The following IQCH variants were observed in gnomAD, a reference collection of about 807,000 sequenced individuals.
IQCH encodes the protein IQ motif containing H, also known as IQ domain-containing protein H.
A neutral mutation model predicts 117.0 loss-of-function variants in IQCH; 98 were observed. That is an observed-to-expected ratio of 0.84 (90% CI 0.71 to 0.99). The LOEUF (loss-of-function observed/expected upper bound fraction) is 0.99, where lower values mean the gene tolerates loss of function less well. Ranked by LOEUF, IQCH falls within the 50% of genes least tolerant of loss-of-function variation. The probability of loss-of-function intolerance (pLI) is 0.00; values close to 1 mark genes in which losing one functional copy is unlikely to be tolerated. For missense variants in IQCH, 1,102 were observed against 1,243.8 expected (o/e 0.89, Z 1.72); for synonymous variants, 412 against 448.2 (o/e 0.92, Z 1.02).
At position 67,406,814 on chromosome 15, in the gene IQCH, T is replaced by C. The variant is rs954845218; in HGVS notation, c.2097+6509T>C. The C allele has an allele frequency of 6.6e-6, 1 of 152,266 alleles. No homozygotes were observed. The highest frequency in any genetic ancestry group is 1.5e-5 in the Non-Finnish European group (1 of 68,062). The allele number at this position is 152,266 out of a possible 1,614,324, so 9.4% of individuals were successfully genotyped here. On this transcript the variant is annotated intron_variant, in intron 14 of 20. Coordinates refer to ENST00000335894, the MANE Select transcript of IQCH (RefSeq NM_001031715.3). This position sits in a 1 kb window ranked among gnomAD's most constrained non-coding sequence, Gnocchi z 4.5. ...CTATCTGTAAAGAGAGATTAGTACC[T>C]GTCTCATGGGGAAGTGGTGACAAGT... is the stretch of plus-strand genomic sequence containing the variant.
chr15:67,267,938 C>T (rs1965744262), intron 3 of IQCH, among the ~76,000 whole-genome samples: 1 of 152,128 alleles, frequency 6.6e-6, no homozygotes, highest in Admixed American at 6.5e-5. Flanking sequence ...TTTCATAACA[C>T]CCTTGACAGT....
At chr15:67,273,360 A>C (rs907822735) in intron 3 of IQCH, among the ~76,000 whole-genome samples, 7 of 152,186 alleles carry the variant, frequency 4.6e-5, no homozygotes, top group Non-Finnish European at 8.8e-5. Context: ...ACGAGCCACC[A>C]TGCCTGGCCT....
intron 4 of IQCH, among the ~76,000 whole-genome samples, chr15:67,325,916 T>A (rs181432467): frequency 6.6e-6 from 1 of 152,204 alleles, no homozygotes; most frequent in Non-Finnish European, 1.5e-5. Flanking sequence ...AAATATTTAA[T>A]ATTAATTAGA....
rs562385372 is a variant in IQCH, at chr15:67,411,197, G to C, written c.2098-5734G>C. Among the ~76,000 whole-genome samples, 13 of 152,100 alleles carry C rather than the reference G, an allele frequency of 8.5e-5. No individual in the cohort carries two copies. The highest frequency in any genetic ancestry group is 3.1e-4 in the African/African-American group (13 of 41,426). Reference sequence around the variant, plus strand: ...TCCCTTCTCTCAATCTGTACCACTAGCTGATTCAAATCCGGAGCACCTTTC... The same window carrying C: ...TCCCTTCTCTCAATCTGTACCACTACCTGATTCAAATCCGGAGCACCTTTC... On this transcript the variant is annotated intron_variant, in intron 14 of 20. Coordinates refer to ENST00000335894, the MANE Select transcript of IQCH (RefSeq NM_001031715.3). This position sits in a 1 kb window ranked among gnomAD's most constrained non-coding sequence, Gnocchi z 4.4.
chr15:67,415,080 CAAAA>C (rs969952621), intron 14 of IQCH, among the ~76,000 whole-genome samples: 10 of 152,012 alleles, frequency 6.6e-5, no homozygotes. Context: ...AAGTGTAAAA[CAAAA>C]GAAAGATGGA....
chr15:67,397,101 GTTATAC>G lies in IQCH; in HGVS notation c.1905+1543_1905+1548del, dbSNP rs1251783008. 7.2e-5 allele frequency among the ~76,000 whole-genome samples: 11 copies of G among 152,284 alleles called. No homozygotes were observed. In the East Asian group the frequency reaches 2.1e-3, roughly 29 times the overall value. ...CTGCTTCACAGCAGAATATCTGGCT[GTTATAC>G]TTATTACAAGCAAAATAAAATTTTA... On this transcript the variant is annotated intron_variant, in intron 13 of 20. Transcript: ENST00000335894.
intron 14 of IQCH, among the ~76,000 whole-genome samples, chr15:67,402,958 A>G (rs539436389): frequency 6.6e-6 from 1 of 152,280 alleles, no homozygotes; most frequent in South Asian, 2.1e-4. Context: ...TAATATAAAG[A>G]TCATCTGGGC....
At chr15:67,261,201 TA>T (rs1965446765) in intron 1 of IQCH, 70 bp from the exon 2 acceptor site, 2 of 1,127,790 alleles carry the variant, frequency 1.8e-6, no homozygotes, top group African/African-American at 3.3e-5. Flanking sequence ...TGCAAACCTT[TA>T]AGATAAATAA....
chr15:67,271,319 C>T (rs1478380611), intron 3 of IQCH, among the ~76,000 whole-genome samples: 3 of 152,076 alleles, frequency 2.0e-5, no homozygotes, highest in African/African-American at 2.4e-5. Context: ...GCTAGGATTT[C>T]GTTGAAGATT....
chr15:67,428,106 G>A (rs541069809), intron 16 of IQCH, among the ~76,000 whole-genome samples: 19 of 152,276 alleles, frequency 1.2e-4, no homozygotes, highest in South Asian at 4.1e-4. Flanking sequence ...GATTACAGGC[G>A]TGAGCCACTG....
At chr15:67,485,522 T>C (rs757858722) in intron 18 of IQCH, among the ~76,000 whole-genome samples, 7 of 152,108 alleles carry the variant, frequency 4.6e-5, no homozygotes, top group Non-Finnish European at 1.0e-4. Flanking sequence ...TTCCTACAAC[T>C]AGTGAAAGAC....
intron 4 of IQCH, among the ~76,000 whole-genome samples, chr15:67,286,812 C>T (rs1387292040): frequency 6.6e-6 from 1 of 151,818 alleles, no homozygotes. Flanking sequence ...GGGGTTTCAC[C>T]ATGTTGGTCA....
In IQCH at chr15:67,436,941, C is replaced by G. The variant is rs1427104422; in HGVS notation, c.2505+15364C>G. ...GAGCTCAGACACGCGTAGCCCCACC[C>G]CCACCTGATGGTCCTTCCCTATCCA... On this transcript the variant is annotated intron_variant, in intron 16 of 20. Coordinates refer to ENST00000335894, the MANE Select transcript of IQCH (RefSeq NM_001031715.3). This position sits in a 1 kb window ranked among gnomAD's most constrained non-coding sequence, Gnocchi z 5.1. Among the ~76,000 whole-genome samples, 3 of 151,964 alleles carry G rather than the reference C, an allele frequency of 2.0e-5. No homozygotes were observed. The highest frequency in any genetic ancestry group is 7.3e-5 in the African/African-American group (3 of 41,366).
intron 16 of IQCH, among the ~76,000 whole-genome samples, chr15:67,450,098 T>C (rs2082484306): frequency 6.6e-6 from 1 of 152,258 alleles, no homozygotes; most frequent in African/African-American, 2.4e-5. Context: ...TTTGCTGAAG[T>C]TGCTTATCAG....
At chr15:67,398,148 TTAG>T (rs1971528590) in intron 13 of IQCH, among the ~76,000 whole-genome samples, 1 of 152,120 alleles carries the variant, frequency 6.6e-6, no homozygotes, top group Non-Finnish European at 1.5e-5. Context: ...AATAATTCTG[TTAG>T]TAGTCGAAAC....
At chr15:67,373,262 T>C in intron 9 of IQCH, 105 bp from the exon 10 acceptor site, 1 of 665,022 alleles carries the variant, frequency 1.5e-6, no homozygotes, top group Non-Finnish European at 2.6e-6. Context: ...TCAATTAATA[T>C]AATTTATGCC....
At position 67,263,170 on chromosome 15, in the gene IQCH, A is replaced by T. The variant is rs919447880; in HGVS notation, c.223A>T (p.Thr75Ser). 1 of 1,583,354 alleles carries T rather than the reference A, an allele frequency of 6.3e-7. No individual in the cohort carries two copies. Among genetic ancestry groups the T allele is most frequent in the Admixed American group, 1.7e-5 (1 of 59,930 alleles). Residue 75 changes from threonine (T) to serine (S), a missense_variant, in exon 3 of 21, where the codon ACT becomes TCT. This residue lies in a region of IQCH where 452 missense variants were observed against 449.6 expected (regional missense o/e 1.01). Coordinates refer to ENST00000335894, the MANE Select transcript of IQCH (RefSeq NM_001031715.3). ...LNVVNQNVLTTSVNDESLYTP... is the reference protein window; with the variant it reads ...LNVVNQNVLTSSVNDESLYTP... ...TGTTGTAAACCAGAATGTATTAACGACTTCTGTTAATGATGAGAGCTTATA... is the reference window on the plus strand; with the variant it reads ...TGTTGTAAACCAGAATGTATTAACGTCTTCTGTTAATGATGAGAGCTTATA...
At position 67,500,696 on chromosome 15, in the gene IQCH, G is replaced by A; in HGVS notation, c.3034G>A (p.Glu1012Lys). 6.2e-7 allele frequency: 1 copy of A among 1,604,788 alleles called. No individual in the cohort carries two copies. Among genetic ancestry groups the A allele is most frequent in the Non-Finnish European group, 8.5e-7 (1 of 1,173,716 alleles). ...VTKENKMRFE[E>K]EQQSKDDKNL... ...AAAGGAAAACAAAATGAGATTTGAAGAGGAGCAACAGTCCAAAGATGATAA... is the reference window on the plus strand; with the variant it reads ...AAAGGAAAACAAAATGAGATTTGAAAAGGAGCAACAGTCCAAAGATGATAA... Residue 1012 changes from glutamate to lysine, a missense_variant, in exon 21 of 21, where the codon GAG becomes AAG. Physicochemically the swap from Glu to Lys is moderately conservative, Grantham distance 56 (BLOSUM62 1). Transcript: ENST00000335894. This position sits in a 1 kb window ranked among gnomAD's most constrained non-coding sequence, Gnocchi z 4.4.
At chr15:67,483,668 G>A (rs1439098644) in intron 18 of IQCH, among the ~76,000 whole-genome samples, 5 of 151,998 alleles carry the variant, frequency 3.3e-5, no homozygotes, top group East Asian at 1.9e-4. Flanking sequence ...CTCGTGATCC[G>A]CCCGCCTCGG....
Sources: gnomAD v4.1 joint callset for allele counts (sites outside exome capture counted in the v4.1 genomes callset) on GRCh38, gnomAD v4.1.1 for gene constraint, gnomAD v4.1.1 regional missense constraint, Gnocchi (gnomAD v3.1) non-coding constraint, MANE v1.5 for transcripts, NCBI Gene and HGNC (gene_info 2026-07-23, HGNC 2026-07-21) for gene names.